The following ATP11B variants were observed in gnomAD, a reference collection of about 807,000 sequenced individuals.
The protein encoded by ATP11B is phospholipid-transporting ATPase IF.
In ATP11B, 81 loss-of-function variants were observed where a neutral mutation model predicts 157.8. That is an observed-to-expected ratio of 0.51 (90% CI 0.43 to 0.62). The LOEUF (loss-of-function observed/expected upper bound fraction) is 0.62, where lower values mean the gene tolerates loss of function less well. Ranked by LOEUF, ATP11B falls within the 20% of genes least tolerant of loss-of-function variation. The probability of loss-of-function intolerance (pLI) is 0.00; values close to 1 mark genes in which losing one functional copy is unlikely to be tolerated. For missense variants in ATP11B, 1,165 were observed against 1,402.2 expected (o/e 0.83, Z 2.70); for synonymous variants, 451 against 469.4 (o/e 0.96, Z 0.51).
chr3:182,833,973 G>T (rs1718352884), intron 4 of ATP11B: 1 of 152,204 alleles, frequency 6.6e-6, no homozygotes, highest in Non-Finnish European at 1.5e-5. Context: ...ATGCTTTGTT[G>T]TAAGCATTGA....
chr3:182,832,959 A>G (rs975271581), intron 4 of ATP11B, among the ~76,000 whole-genome samples: 2 of 152,038 alleles, frequency 1.3e-5, no homozygotes, highest in Admixed American at 6.5e-5. Flanking sequence ...ATTTTTAAAT[A>G]AATTTAAGAA....
chr3:182,897,610 A>G (rs928162555), intron 27 of ATP11B, among the ~76,000 whole-genome samples: 1 of 152,018 alleles, frequency 6.6e-6, no homozygotes, highest in Admixed American at 6.6e-5. Context: ...TTTTTATATA[A>G]GATATTGATT....
At chr3:182,874,728 C>T (rs986216351) in intron 19 of ATP11B, among the ~76,000 whole-genome samples, 2 of 152,236 alleles carry the variant, frequency 1.3e-5, no homozygotes, top group Non-Finnish European at 2.9e-5. Flanking sequence ...TAACTTTGAA[C>T]CCCAATTAAA....
intron 24 of ATP11B, among the ~76,000 whole-genome samples, chr3:182,888,502 G>GT: frequency 6.6e-6 from 1 of 152,178 alleles, no homozygotes; most frequent in East Asian, 1.9e-4. Flanking sequence ...TTAAAGTGAA[G>GT]TATTATGCCT....
At chr3:182,825,825 AG>A (rs1717682464) in intron 2 of ATP11B, among the ~76,000 whole-genome samples, 1 of 152,094 alleles carries the variant, frequency 6.6e-6, no homozygotes, top group African/African-American at 2.4e-5. Flanking sequence ...GCTTGAACTC[AG>A]GAGGCGGAGG....
rs551974147 is a variant in ATP11B at position 182,813,150 on chromosome 3, A to G, written c.28-7110A>G. On this transcript the variant is annotated intron_variant, in intron 1 of 29. Transcript: ENST00000323116. ...ACACTTGGATTGCTTCCACCTTTTGACTATTGTGAATAATGCTGCTTTGGA... is the reference window on the plus strand; with the variant it reads ...ACACTTGGATTGCTTCCACCTTTTGGCTATTGTGAATAATGCTGCTTTGGA... Among the ~76,000 whole-genome samples, 10 of 152,148 alleles carry G rather than the reference A, an allele frequency of 6.6e-5. No homozygotes were observed. In the South Asian group the frequency reaches 1.7e-3, roughly 25 times the overall value.
intron 1 of ATP11B, among the ~76,000 whole-genome samples, chr3:182,801,042 T>C (rs2108482895): frequency 6.6e-6 from 1 of 152,284 alleles, no homozygotes; most frequent in South Asian, 2.1e-4. Context: ...CCTCAGATGA[T>C]CAATCCACTT....
intron 28 of ATP11B, among the ~76,000 whole-genome samples, chr3:182,904,757 C>T (rs1724209877): frequency 6.6e-6 from 1 of 151,934 alleles, no homozygotes; most frequent in South Asian, 2.1e-4. Context: ...GGTGTGGTGG[C>T]AGGCGCCTGT....
At chr3:182,867,223 C>G (rs923133510) in intron 14 of ATP11B, among the ~76,000 whole-genome samples, 153 bp from the exon 15 acceptor site, 3 of 149,008 alleles carry the variant, frequency 2.0e-5, no homozygotes, top group Non-Finnish European at 2.9e-5. Context: ...GCCACCACTC[C>G]TGGCACCAAA....
intron 29 of ATP11B, chr3:182,915,076 G>T: frequency 5.1e-6 from 5 of 985,288 alleles, no homozygotes; most frequent in Non-Finnish European, 6.0e-6. Flanking sequence ...CTGGAAAAAG[G>T]ATTTTTATTA....
chr3:182,820,999 A>T (rs1717306954), intron 2 of ATP11B, among the ~76,000 whole-genome samples: 1 of 152,244 alleles, frequency 6.6e-6, no homozygotes, highest in Admixed American at 6.5e-5. Flanking sequence ...TTTACAAAGC[A>T]GTGTTATACT....
At position 182,793,684 on chromosome 3, in the gene ATP11B, C is replaced by G. The variant is rs1319985273; in HGVS notation, c.-76C>G. 1.9e-6 allele frequency: 2 copies of G among 1,040,546 alleles called. No individual in the cohort carries two copies. The highest frequency in any genetic ancestry group is 2.7e-6 in the Non-Finnish European group (2 of 748,850). 64.5% of individuals were successfully genotyped at this position (1,040,546 alleles called of 1,614,324 possible). On this transcript the variant is annotated 5_prime_UTR_variant, in exon 1 of 30. Coordinates refer to ENST00000323116, the MANE Select transcript of ATP11B (RefSeq NM_014616.3). The stretch of plus-strand genomic sequence containing the variant: ...GGCCCGAGGGGCTCGCCCGCTCCCG[C>G]CTCTGTCTTGTCGGCCTCCACCTGC...
At position 182,920,361 on chromosome 3, in the gene ATP11B, GAA is replaced by G. The variant is rs1175086061; in HGVS notation, c.*2260_*2261del. ...AAGCAAAATTATCTTGTGATTTTAA[GAA>G]AAGAGTTTTCTATTTATTTAAGAAA... On this transcript the variant is annotated 3_prime_UTR_variant, in exon 30 of 30. Transcript: ENST00000323116. 1.3e-5 allele frequency: 2 copies of G among 152,156 alleles called. No individual in the cohort carries two copies. Among genetic ancestry groups the G allele is most frequent in the South Asian group, 2.1e-4 (1 of 4,834 alleles). 9.4% of individuals were successfully genotyped at this position (152,156 alleles called of 1,614,324 possible). A position where few individuals can be genotyped will look rare whatever the true frequency, so the allele number is the denominator to read the frequency against.
chr3:182,854,665 C>T (rs993985485), intron 10 of ATP11B, among the ~76,000 whole-genome samples: 3 of 152,030 alleles, frequency 2.0e-5, no homozygotes, highest in East Asian at 1.9e-4. Flanking sequence ...TGAACATACA[C>T]GTTACAAACT....
intron 2 of ATP11B, among the ~76,000 whole-genome samples, chr3:182,822,547 T>C (rs1397339838): frequency 1.3e-5 from 2 of 152,266 alleles, no homozygotes; most frequent in African/African-American, 4.8e-5. Flanking sequence ...TTCCAAGTCT[T>C]TACTATTGTG....
At chr3:182,824,949 CAT>C (rs1717616262) in intron 2 of ATP11B, among the ~76,000 whole-genome samples, 1 of 152,204 alleles carries the variant, frequency 6.6e-6, no homozygotes, top group Non-Finnish European at 1.5e-5. Flanking sequence ...AGGTAGAATT[CAT>C]ATCTTTGACC....
chr3:182,879,805 C>T (rs934805581), intron 20 of ATP11B, among the ~76,000 whole-genome samples, 156 bp downstream of exon 20: 13 of 152,200 alleles, frequency 8.5e-5, no homozygotes, highest in Non-Finnish European at 1.6e-4. Context: ...TAATCATGTA[C>T]ATCAGACTTT....
Position 182,918,590 on chromosome 3 carries a change from T to C in ATP11B, c.*486T>C, listed in dbSNP as rs1400739605. Reference sequence around the variant, plus strand: ...AAGCTTTTCATGGGAAAAGTTAATGTGAATACTGAGGAATTTTGGTCCCTC... The same window carrying C: ...AAGCTTTTCATGGGAAAAGTTAATGCGAATACTGAGGAATTTTGGTCCCTC... On this transcript the variant is annotated 3_prime_UTR_variant, in exon 30 of 30. Coordinates refer to ENST00000323116, the MANE Select transcript of ATP11B (RefSeq NM_014616.3). 1 of 381,160 alleles carries C rather than the reference T, an allele frequency of 2.6e-6. No individual in the cohort carries two copies. Among genetic ancestry groups the C allele is most frequent in the Non-Finnish European group, 4.6e-6 (1 of 215,462 alleles). The allele number at this position is 381,160 out of a possible 1,614,324, so 23.6% of individuals were successfully genotyped here.
chr3:182,875,597 G>A (rs919057735), intron 19 of ATP11B, among the ~76,000 whole-genome samples: 7 of 151,994 alleles, frequency 4.6e-5, no homozygotes, highest in Non-Finnish European at 7.4e-5. Context: ...ATGCACCACC[G>A]TGCCCAGCTA....
Sources: allele counts gnomAD v4.1 joint callset (sites outside exome capture counted in the v4.1 genomes callset), GRCh38; gene constraint gnomAD v4.1.1; transcripts MANE v1.5; gene names NCBI Gene and HGNC (gene_info 2026-07-23, HGNC 2026-07-21).